The following PPFIBP1 variants were observed in gnomAD, a reference collection of about 807,000 sequenced individuals.
PPFIBP1 encodes PPFIB scaffold protein 1, also known as liprin-beta-1.
PPFIBP1 carries 112 observed loss-of-function variants against 137.8 expected under a neutral mutation model. The ratio of observed to expected loss-of-function variants is 0.81; its 90% confidence interval spans 0.70 to 0.95. The LOEUF (loss-of-function observed/expected upper bound fraction) is 0.95, where lower values mean the gene tolerates loss of function less well. Among genes scored for constraint, PPFIBP1 ranks in the 40% least tolerant of loss-of-function variants. The pLI is 0.00. For synonymous variants in PPFIBP1, 378 were observed against 417.3 expected, an observed-to-expected ratio of 0.91 and a Z score of 1.15; for missense variants, 1,083 against 1,196.6, an observed-to-expected ratio of 0.91 and a Z score of 1.40.
chr12:27,544,572 G>A (rs2136074678), intron 1 of PPFIBP1, among the ~76,000 whole-genome samples: 1 of 152,216 alleles, frequency 6.6e-6, no homozygotes, highest in Non-Finnish European at 1.5e-5. Context: ...CCATCAAAAA[G>A]TGCGCAAAGG....
intron 7 of PPFIBP1, chr12:27,654,519 A>G: frequency 5.4e-6 from 3 of 551,496 alleles, no homozygotes; most frequent in Non-Finnish European, 8.6e-6. Context: ...GGGCAGACGC[A>G]TTGGGGATTT....
chr12:27,631,795 A>G (rs1460030543), intron 2 of PPFIBP1, among the ~76,000 whole-genome samples: 1 of 152,184 alleles, frequency 6.6e-6, no homozygotes, highest in Non-Finnish European at 1.5e-5. Flanking sequence ...ACAAAGACGA[A>G]TATTTTTTTC....
In PPFIBP1 at chr12:27,646,270, C is replaced by T. The variant is rs188407284; in HGVS notation, c.357+122C>T. 29 of 757,068 alleles carry T rather than the reference C, an allele frequency of 3.8e-5. No homozygotes were observed. In the African/African-American group the frequency reaches 4.0e-4, roughly 10 times the overall value. The allele number at this position is 757,068 out of a possible 1,614,324, so 46.9% of individuals were successfully genotyped here. On this transcript the variant is annotated intron_variant, in intron 5 of 29. Transcript: ENST00000228425. ...GCTAATAGAAATAAGCCTGATAAGC[C>T]ATCTGTACACAATAGGGAGTGGTGA...
chr12:27,595,892 T>A (rs1337730377), intron 2 of PPFIBP1, among the ~76,000 whole-genome samples: 1,528 of 87,764 alleles, frequency 0.017, 26 homozygotes, highest in African/African-American at 0.048. Context: ...ACAAAATATA[T>A]ATATATATAT....
intron 2 of PPFIBP1, among the ~76,000 whole-genome samples, chr12:27,611,850 G>A (rs1280691669): frequency 6.6e-6 from 1 of 151,622 alleles, no homozygotes; most frequent in African/African-American, 2.4e-5. Flanking sequence ...GCCAAAAAAT[G>A]TTAGGTAAAT....
rs1377660846 is a variant in PPFIBP1, at chr12:27,634,828, T to G, written c.65-82T>G. On this transcript the variant is annotated intron_variant, in intron 3 of 29. Coordinates refer to ENST00000228425, the MANE Select transcript of PPFIBP1 (RefSeq NM_003622.4). ...TCTTTTGATTGTTCCTTACTGTGACTAGACTGGTTTACCGCCTTCGGCTTT... is the reference window on the plus strand; with the variant it reads ...TCTTTTGATTGTTCCTTACTGTGACGAGACTGGTTTACCGCCTTCGGCTTT... 2.7e-6 allele frequency: 3 copies of G among 1,097,270 alleles called. No individual in the cohort carries two copies. The Admixed American group carries it at 5.5e-5, about 20-fold the overall frequency. 68.0% of individuals were successfully genotyped at this position (1,097,270 alleles called of 1,614,324 possible).
intron 27 of PPFIBP1, 28 bp from the exon 28 acceptor site, chr12:27,691,721 G>A (rs112454945): frequency 6.3e-7 from 1 of 1,583,176 alleles, no homozygotes; most frequent in African/African-American, 1.4e-5. Flanking sequence ...AAATCCTTTG[G>A]ATGTTTTTGT....
chr12:27,584,018 T>C (rs1287800834), intron 2 of PPFIBP1: 1 of 152,244 alleles, frequency 6.6e-6, no homozygotes, highest in East Asian at 1.9e-4. Context: ...AATGACCAAA[T>C]ACTTTTCCTA....
intron 7 of PPFIBP1, 71 bp downstream of exon 7, chr12:27,650,212 A>C: frequency 7.4e-7 from 1 of 1,346,400 alleles, no homozygotes; most frequent in Non-Finnish European, 1.0e-6. Flanking sequence ...ACACACATAC[A>C]TTCCTAGGGC....
At chr12:27,651,323 T>C (rs763307920) in intron 7 of PPFIBP1, among the ~76,000 whole-genome samples, 6 of 151,788 alleles carry the variant, frequency 4.0e-5, no homozygotes, top group Non-Finnish European at 4.4e-5. Flanking sequence ...CCCAGGCTAG[T>C]ATGGAACTCC....
chr12:27,593,529 T>C, intron 2 of PPFIBP1: 1 of 391,714 alleles, frequency 2.6e-6, no homozygotes, highest in Non-Finnish European at 5.0e-6. Context: ...CCTGAACCAT[T>C]TCTGGAGGGG....
At chr12:27,641,723 C>G (rs1289967890) in intron 4 of PPFIBP1, among the ~76,000 whole-genome samples, 2 of 152,054 alleles carry the variant, frequency 1.3e-5, no homozygotes, top group Non-Finnish European at 2.9e-5. Context: ...TAACTGAGCT[C>G]ACACCCGACC....
chr12:27,596,859 G>A (rs775618967), intron 2 of PPFIBP1, among the ~76,000 whole-genome samples: 4 of 152,188 alleles, frequency 2.6e-5, no homozygotes, highest in Non-Finnish European at 5.9e-5. Context: ...CACATTCCCT[G>A]ATCATAAACC....
chr12:27,587,999 C>T (rs2051999596), intron 2 of PPFIBP1, among the ~76,000 whole-genome samples: 1 of 151,844 alleles, frequency 6.6e-6, no homozygotes, highest in South Asian at 2.1e-4. Flanking sequence ...TTTGTGTTTC[C>T]TTATTTTGTG....
At chr12:27,661,032 T>A in intron 11 of PPFIBP1, 87 bp downstream of exon 11, 1 of 1,531,674 alleles carries the variant, frequency 6.5e-7, no homozygotes, top group Non-Finnish European at 8.8e-7. Context: ...TATGCCATTT[T>A]AAAAGAACAT....
chr12:27,556,736 G>T (rs746292331), intron 1 of PPFIBP1, among the ~76,000 whole-genome samples: 5 of 152,196 alleles, frequency 3.3e-5, no homozygotes, highest in Non-Finnish European at 7.3e-5. Flanking sequence ...GAGCAAGTTA[G>T]AAGACTGTCT....
In PPFIBP1 at chr12:27,646,127, T is replaced by C. The variant is rs762643762; in HGVS notation, c.336T>C (p.Asp112=). ...YQERLARLEN[D]KESLVLQVSV... ...AAAGGCTGGCACGTTTAGAAAATGATAAAGAATCCCTCGTTCTTCAGGCAA... is the reference window on the plus strand; with the variant it reads ...AAAGGCTGGCACGTTTAGAAAATGACAAAGAATCCCTCGTTCTTCAGGCAA... Residue 112 remains aspartate (D), a synonymous_variant, in exon 5 of 30, where the codon GAT becomes GAC. Coordinates refer to ENST00000228425, the MANE Select transcript of PPFIBP1 (RefSeq NM_003622.4). 1.9e-6 allele frequency: 3 copies of C among 1,609,532 alleles called. No individual in the cohort carries two copies. The highest frequency in any genetic ancestry group is 2.6e-6 in the Non-Finnish European group (3 of 1,176,052).
chr12:27,663,369 C>G (rs1484875433), intron 11 of PPFIBP1, among the ~76,000 whole-genome samples: 1 of 152,166 alleles, frequency 6.6e-6, no homozygotes, highest in South Asian at 2.1e-4. Context: ...GGGTCATGGA[C>G]AGAACCTGGA....
intron 1 of PPFIBP1, among the ~76,000 whole-genome samples, chr12:27,566,148 AT>A (rs1026211456): frequency 1.3e-5 from 2 of 152,188 alleles, no homozygotes; most frequent in African/African-American, 4.8e-5. Context: ...TATCGAATAC[AT>A]TTTTTAAATG....
Sources: allele counts gnomAD v4.1 joint callset (sites outside exome capture counted in the v4.1 genomes callset), GRCh38; gene constraint gnomAD v4.1.1; transcripts MANE v1.5; gene names NCBI Gene and HGNC (gene_info 2026-07-23, HGNC 2026-07-21).